The following ZFHX4 variants were observed in gnomAD, a reference collection of about 807,000 sequenced individuals.
The protein encoded by ZFHX4 is zinc finger homeobox protein 4.
Under a neutral mutation model 267.6 loss-of-function variants are expected in ZFHX4, and 56 were observed. That is an observed-to-expected ratio of 0.21 (90% CI 0.17 to 0.26). The LOEUF is 0.26. ZFHX4 is among the 10% of genes least tolerant of loss of function. The pLI, the probability that ZFHX4 is intolerant of heterozygous loss-of-function variation, is 1.00. For synonymous variants in ZFHX4, 1,778 were observed against 1,665.6 expected (o/e 1.07, Z -1.64); for missense variants, 4,332 against 4,420.0 (o/e 0.98, Z 0.56).
intron 4 of ZFHX4, among the ~76,000 whole-genome samples, chr8:76,790,223 T>C (rs1264455539): frequency 6.6e-6 from 1 of 152,146 alleles, no homozygotes; most frequent in African/African-American, 2.4e-5. Context: ...TTGCTTTGTG[T>C]TAGGCACTGG....
chr8:76,710,159 T>G (rs550722200), intron 3 of ZFHX4, among the ~76,000 whole-genome samples: 69 of 152,306 alleles, frequency 4.5e-4, no homozygotes, highest in African/African-American at 1.6e-3. Flanking sequence ...GCAAATAAAC[T>G]TTGAACAAAC....
chr8:76,813,508 A>G (rs760089973), intron 4 of ZFHX4, among the ~76,000 whole-genome samples: 1 of 152,170 alleles, frequency 6.6e-6, no homozygotes, highest in Non-Finnish European at 1.5e-5. Flanking sequence ...AAGCTGAAAG[A>G]TTAAAATCTC....
At chr8:76,826,134 G>A (rs1307214666) in intron 4 of ZFHX4, among the ~76,000 whole-genome samples, 1 of 152,180 alleles carries the variant, frequency 6.6e-6, no homozygotes, top group Non-Finnish European at 1.5e-5. Context: ...AGAAGGCAAA[G>A]GGAAAGCAGG....
At chr8:76,825,116 A>T (rs184643595) in intron 4 of ZFHX4, among the ~76,000 whole-genome samples, 1 of 152,216 alleles carries the variant, frequency 6.6e-6, no homozygotes, top group East Asian at 1.9e-4. Context: ...ACTTATAAAT[A>T]CAATCTAAAA....
chr8:76,782,281 C>T (rs928811267), intron 4 of ZFHX4: 9 of 394,370 alleles, frequency 2.3e-5, no homozygotes, highest in Non-Finnish European at 4.1e-5. Flanking sequence ...TTGAAATGTA[C>T]ACTCTGTCTG....
Position 76,826,518 on chromosome 8 carries a change from G to A in ZFHX4, c.3326-6820G>A, listed in dbSNP as rs147005208. Among the ~76,000 whole-genome samples the A allele has an allele frequency of 2.9e-3, 449 of 152,230 alleles. 4 individuals carry two copies. Among genetic ancestry groups the A allele is most frequent in the Admixed American group, 0.024 (374 of 15,300 alleles). On this transcript the variant is annotated intron_variant, in intron 4 of 10. Coordinates refer to ENST00000651372, the MANE Select transcript of ZFHX4 (RefSeq NM_024721.5). ...CCTAGTATACAGCTATTTGAAAAACGTAGTAACTGTGGAATAGAAAATAGA... is the reference window on the plus strand; with the variant it reads ...CCTAGTATACAGCTATTTGAAAAACATAGTAACTGTGGAATAGAAAATAGA...
chr8:76,755,941 T>C (rs1168194044), intron 3 of ZFHX4, among the ~76,000 whole-genome samples: 2 of 152,282 alleles, frequency 1.3e-5, no homozygotes, highest in Non-Finnish European at 1.5e-5. Context: ...CTCACAGCCC[T>C]CACAACCCAG....
chr8:76,808,205 A>G (rs1156678374), intron 4 of ZFHX4, among the ~76,000 whole-genome samples: 3 of 152,256 alleles, frequency 2.0e-5, no homozygotes, highest in East Asian at 1.9e-4. Flanking sequence ...TTACTAGTCA[A>G]TTGTTCAAAG....
intron 3 of ZFHX4, among the ~76,000 whole-genome samples, chr8:76,744,119 G>A (rs942787651): frequency 3.9e-5 from 6 of 152,072 alleles, no homozygotes; most frequent in South Asian, 2.1e-4. Context: ...GCTGAGGTGG[G>A]TGGATCACCT....
intron 4 of ZFHX4, among the ~76,000 whole-genome samples, chr8:76,827,788 T>C (rs1319490177): frequency 1.3e-5 from 2 of 152,104 alleles, no homozygotes; most frequent in East Asian, 3.9e-4. Context: ...AGTACTCCCT[T>C]ACTATATAAA....
chr8:76,735,672 A>G (rs547694427), intron 3 of ZFHX4, among the ~76,000 whole-genome samples: 47 of 152,282 alleles, frequency 3.1e-4, no homozygotes, highest in Non-Finnish European at 5.7e-4. Context: ...ATGATTCTGC[A>G]TAAGTGAAGA....
chr8:76,719,392 T>C (rs565792204), intron 3 of ZFHX4, among the ~76,000 whole-genome samples: 17 of 152,120 alleles, frequency 1.1e-4, no homozygotes, highest in African/African-American at 4.1e-4. Context: ...CAAGAAGCAC[T>C]GAAATCAGTT....
intron 4 of ZFHX4, among the ~76,000 whole-genome samples, chr8:76,825,455 C>T (rs550442037): frequency 1.3e-5 from 2 of 152,338 alleles, no homozygotes; most frequent in South Asian, 2.1e-4. Context: ...GAGCAGCCAA[C>T]GTTCTCCTAA....
intron 10 of ZFHX4, 45 bp from the exon 11 acceptor site, chr8:76,863,049 T>C: frequency 6.9e-7 from 1 of 1,459,090 alleles, no homozygotes; most frequent in Non-Finnish European, 9.1e-7. Flanking sequence ...CTTCCGATGT[T>C]GGTCTGTACA....
At chr8:76,836,202 A>C (rs1319237939) in intron 5 of ZFHX4, among the ~76,000 whole-genome samples, 1 of 152,178 alleles carries the variant, frequency 6.6e-6, no homozygotes, top group Admixed American at 6.6e-5. Context: ...GATTGCAATA[A>C]ATGTGATAAA....
Position 76,704,876 on chromosome 8 carries a change from C to T in ZFHX4, c.788C>T (p.Ser263Phe). 5.0e-6 allele frequency: 8 copies of T among 1,614,176 alleles called. No individual in the cohort carries two copies. The highest frequency in any genetic ancestry group is 6.8e-6 in the Non-Finnish European group (8 of 1,180,030). The change falls in exon 2 of 11, where the codon TCC (serine) becomes TTC (phenylalanine). Residue 263 changes from serine to phenylalanine, a missense_variant. Coordinates refer to ENST00000651372, the MANE Select transcript of ZFHX4 (RefSeq NM_024721.5). ...GATGTCCCTAACAATGTGGACTTGTCCAAATTCGATGGTTGTGTTAGCGAT... is the reference window on the plus strand; with the variant it reads ...GATGTCCCTAACAATGTGGACTTGTTCAAATTCGATGGTTGTGTTAGCGAT... ...SKDVPNNVDLSKFDGCVSDGK... is the reference protein window; with the variant it reads ...SKDVPNNVDLFKFDGCVSDGK...
At chr8:76,751,571 G>C (rs561989416) in intron 3 of ZFHX4, among the ~76,000 whole-genome samples, 2 of 152,276 alleles carry the variant, frequency 1.3e-5, no homozygotes, top group East Asian at 3.9e-4. Flanking sequence ...CTGTAGCAAA[G>C]CTATTTGCTT....
rs181569201 is a variant in ZFHX4, at chr8:76,732,276, T to A, written c.3093+24228T>A. On this transcript the variant is annotated intron_variant, in intron 3 of 10. Coordinates refer to ENST00000651372, the MANE Select transcript of ZFHX4 (RefSeq NM_024721.5). ...TGTATAATTATGTATGTCATTAATA[T>A]TAGCAGGTTAATAAAGGCATATTCA... 9.8e-5 allele frequency among the ~76,000 whole-genome samples: 15 copies of A among 152,300 alleles called. No individual in the cohort carries two copies. The East Asian group carries it at 2.7e-3, about 27-fold the overall frequency.
At chr8:76,835,243 A>ATATATATGTATATATATATATATATG (rs1554572191) in intron 5 of ZFHX4, among the ~76,000 whole-genome samples, 2 of 102,742 alleles carry the variant, frequency 1.9e-5, no homozygotes, top group Non-Finnish European at 3.8e-5. Flanking sequence ...ATATATATGT[A>ATATATATGTATATATATATATATATG]TATATATATA....
Sources: gnomAD v4.1 joint callset for allele counts (sites outside exome capture counted in the v4.1 genomes callset) on GRCh38, gnomAD v4.1.1 for gene constraint, MANE v1.5 for transcripts, NCBI Gene and HGNC (gene_info 2026-07-23, HGNC 2026-07-21) for gene names.